Variants in GPR155 observed in about 807,000 individuals in gnomAD.
GPR155 encodes the protein lysosomal cholesterol signaling protein.
GPR155 carries 65 observed loss-of-function variants against 93.1 expected under a neutral mutation model. The observed-to-expected ratio is 0.70, with a 90% CI of 0.57 to 0.86. The LOEUF (loss-of-function observed/expected upper bound fraction) is 0.86. Ranked by LOEUF, GPR155 falls within the 40% of genes least tolerant of loss-of-function variation. The probability of loss-of-function intolerance (pLI) is 0.00; values close to 1 mark genes in which losing one functional copy is unlikely to be tolerated. For synonymous variants in GPR155, 319 were observed against 360.1 expected (o/e 0.89, Z 1.29); for missense variants, 838 against 1,034.8 (o/e 0.81, Z 2.61).
In GPR155 at chr2:174,473,252, T is replaced by A. The variant is rs1688050226; in HGVS notation, c.573A>T (p.Gln191His). ...NPIGFIFCEI[Q>H]KWKDTQNASQ... is the part of the protein sequence containing the mutation. The stretch of plus-strand genomic sequence containing the variant: ...AAGCATTTTGAGTGTCTTTCCACTT[T>A]TGGATTTCACAGAAAATAAACCCTA... Residue 191 changes from glutamine (Q) to histidine (H), a missense_variant, in exon 3 of 16, where the codon CAA becomes CAT. This residue lies in a region of GPR155 where 663 missense variants were observed against 790.1 expected (regional missense o/e 0.84). Transcript: ENST00000392552. The A allele has an allele frequency of 2.5e-6, 4 of 1,613,752 alleles. No individual in the cohort carries two copies. Among genetic ancestry groups the A allele is most frequent in the Non-Finnish European group, 3.4e-6 (4 of 1,179,760 alleles).
At chr2:174,440,096 T>G in intron 14 of GPR155, 61 bp from the exon 15 acceptor site, 1 of 1,407,126 alleles carries the variant, frequency 7.1e-7, no homozygotes. Flanking sequence ...GAACTCTTCC[T>G]GCCTTATCAC....
chr2:174,448,897 TTAAAC>T (rs1687236748), intron 11 of GPR155, among the ~76,000 whole-genome samples: 1 of 152,106 alleles, frequency 6.6e-6, no homozygotes, highest in Admixed American at 6.5e-5. Flanking sequence ...TGGGACCTAA[TTAAAC>T]TAAAGAGCTT....
chr2:174,469,743 A>C (rs1182246508), intron 4 of GPR155, among the ~76,000 whole-genome samples: 2 of 152,248 alleles, frequency 1.3e-5, no homozygotes, highest in Non-Finnish European at 2.9e-5. Flanking sequence ...GAAATAAAAT[A>C]GTTAAAACTA....
intron 1 of GPR155, among the ~76,000 whole-genome samples, chr2:174,482,661 G>A (rs552318997): frequency 1.3e-5 from 2 of 152,258 alleles, no homozygotes; most frequent in Admixed American, 1.3e-4. Flanking sequence ...CGATTCGTGT[G>A]CCACCACGCC....
chr2:174,460,151 C>T, intron 9 of GPR155, 63 bp from the exon 10 acceptor site: 1 of 803,498 alleles, frequency 1.2e-6, no homozygotes, highest in Non-Finnish European at 1.8e-6. Context: ...AATCTTAGGG[C>T]ACATTTTTTT....
chr2:174,485,546 G>A (rs1282713494), intron 1 of GPR155, among the ~76,000 whole-genome samples: 2 of 149,810 alleles, frequency 1.3e-5, no homozygotes, highest in Non-Finnish European at 1.5e-5. Context: ...GCAGTGAGCC[G>A]AGATCCTGCC....
intron 1 of GPR155, among the ~76,000 whole-genome samples, chr2:174,483,837 G>A (rs888293785): frequency 4.6e-5 from 7 of 152,082 alleles, no homozygotes; most frequent in East Asian, 3.9e-4. Flanking sequence ...TGCCCGCCTC[G>A]GCCTCCCAAA....
At chr2:174,440,465 G>T (rs1686923936) in intron 14 of GPR155, among the ~76,000 whole-genome samples, 1 of 151,882 alleles carries the variant, frequency 6.6e-6, no homozygotes, top group African/African-American at 2.4e-5. Flanking sequence ...AAAAACTGGA[G>T]TACGAAACAG....
intron 1 of GPR155, among the ~76,000 whole-genome samples, chr2:174,483,671 G>A (rs956004742): frequency 4.0e-5 from 6 of 151,574 alleles, no homozygotes; most frequent in Admixed American, 6.6e-5. Flanking sequence ...CTCAACCTCC[G>A]CCTCCCAGGT....
rs192445480 is a variant in GPR155 at position 174,477,430 on chromosome 2, T to C, written c.461-4066A>G. On this transcript the variant is annotated intron_variant, in intron 2 of 15. Coordinates refer to ENST00000392552, the MANE Select transcript of GPR155 (RefSeq NM_152529.7). ...AACTTTTTTTACATTTTACACATTA[T>C]GAATATTTATAAAGCAGGTTACTAT... is the stretch of plus-strand genomic sequence containing the variant. Among the ~76,000 whole-genome samples the C allele has an allele frequency of 2.6e-5, 4 of 152,272 alleles. No homozygotes were observed. In the East Asian group the frequency reaches 7.7e-4, roughly 29 times the overall value.
intron 1 of GPR155, among the ~76,000 whole-genome samples, chr2:174,486,562 G>C (rs1451047061): frequency 6.6e-6 from 1 of 152,218 alleles, no homozygotes; most frequent in Non-Finnish European, 1.5e-5. Context: ...GGGATAAAGG[G>C]AAGAGTCTAA....
rs370354814 is a variant in GPR155, at chr2:174,446,594, C to T, written c.2013+17G>A. 6.3e-7 allele frequency: 1 copy of T among 1,587,420 alleles called. No individual in the cohort carries two copies. The highest frequency in any genetic ancestry group is 8.5e-7 in the Non-Finnish European group (1 of 1,169,958). On this transcript the variant is annotated intron_variant, in intron 12 of 15. Transcript: ENST00000392552. The stretch of plus-strand genomic sequence containing the variant: ...TTAAAGAAATGGCCCCAAAACAAAA[C>T]CAGAAAAAACCATTACAGCGAACAG...
chr2:174,453,495 C>G (rs969641313), intron 11 of GPR155, among the ~76,000 whole-genome samples: 1 of 151,684 alleles, frequency 6.6e-6, no homozygotes, highest in Non-Finnish European at 1.5e-5. Flanking sequence ...TCCGTCTCTA[C>G]TAAAAATACA....
intron 2 of GPR155, among the ~76,000 whole-genome samples, chr2:174,476,577 C>T (rs1281716627): frequency 1.3e-5 from 2 of 152,070 alleles, no homozygotes; most frequent in Non-Finnish European, 2.9e-5. Context: ...GCATTACAGC[C>T]TGGGCAACAG....
chr2:174,442,081 C>CATGT, intron 14 of GPR155, 38 bp downstream of exon 14: 1 of 1,005,772 alleles, frequency 9.9e-7, no homozygotes, highest in Non-Finnish European at 1.6e-6. Flanking sequence ...TTTGTCATCA[C>CATGT]ATTTACAGAT....
intron 7 of GPR155, 36 bp from the exon 8 acceptor site, chr2:174,461,708 C>T (rs1687703400): frequency 9.0e-7 from 1 of 1,107,454 alleles, no homozygotes; most frequent in African/African-American, 1.6e-5. Context: ...GACAGTTACT[C>T]AACATTGATC....
At chr2:174,438,887 C>T (rs1401374138) in intron 15 of GPR155, among the ~76,000 whole-genome samples, 1 of 152,230 alleles carries the variant, frequency 6.6e-6, no homozygotes, top group Non-Finnish European at 1.5e-5. Flanking sequence ...GAAAAACTAA[C>T]TTTTCTTCAT....
intron 2 of GPR155, among the ~76,000 whole-genome samples, chr2:174,481,214 C>A (rs1688309564): frequency 6.6e-6 from 1 of 152,046 alleles, no homozygotes; most frequent in African/African-American, 2.4e-5. Context: ...ACAATTGGAT[C>A]CTTTCTAAAA....
chr2:174,471,393 T>A (rs147045569), intron 3 of GPR155, among the ~76,000 whole-genome samples: 815 of 79,214 alleles, frequency 0.01, 9 homozygotes, highest in African/African-American at 0.038. Flanking sequence ...AGACTCTGTC[T>A]CAAAAAAAAA....
Sources: allele counts gnomAD v4.1 joint callset (sites outside exome capture counted in the v4.1 genomes callset), GRCh38; gene constraint gnomAD v4.1.1; regional missense constraint gnomAD v4.1.1; transcripts MANE v1.5; gene names NCBI Gene and HGNC (gene_info 2026-07-23, HGNC 2026-07-21).